GCNT1: variants seen among roughly 807,000 people sequenced by gnomAD.
GCNT1 encodes glucosaminyl (N-acetyl) transferase 1, also known as beta-1,3-galactosyl-O-glycosyl-glycoprotein beta-1,6-N-acetylglucosaminyltransferase.
A neutral mutation model predicts 26.2 loss-of-function variants in GCNT1; 16 were observed. The ratio of observed to expected loss-of-function variants is 0.61; its 90% CI spans 0.41 to 0.93. The LOEUF (loss-of-function observed/expected upper bound fraction) is 0.93, where lower values mean the gene tolerates loss of function less well. Ranked by LOEUF, GCNT1 falls within the 40% of genes least tolerant of loss-of-function variation. The pLI is 0.00. For synonymous variants in GCNT1, 183 were observed against 190.8 expected (o/e 0.96, Z 0.34); for missense variants, 477 against 526.7 (o/e 0.91, Z 0.92).
At chr9:76,393,955 G>T in the GCNT1 span, 4 of 756,454 alleles carry the variant, frequency 5.3e-6, no homozygotes, top group South Asian at 1.9e-5. Flanking sequence ...CAGACAAGGG[G>T]ATGCGGGAGG....
chr9:76,503,212 A>T lies in GCNT1; in HGVS notation c.831A>T (p.Pro277=). ...CAGGGACTGTCAAAATGCTTCCTCCACTCGAAACACCTCTCTTTTCTGGCA... is the reference window on the plus strand; with the variant it reads ...CAGGGACTGTCAAAATGCTTCCTCCTCTCGAAACACCTCTCTTTTCTGGCA... ...TNTGTVKMLP[P]LETPLFSGSA... Residue 277 remains proline, a synonymous_variant, in exon 4 of 4, where the codon CCA becomes CCT. Transcript: ENST00000376730. 6.2e-7 allele frequency: 1 copy of T among 1,614,068 alleles called. No individual in the cohort carries two copies. Among genetic ancestry groups the T allele is most frequent in the Admixed American group, 1.7e-5 (1 of 60,004 alleles).
intron 2 of GCNT1, among the ~76,000 whole-genome samples, chr9:76,467,715 T>A (rs1268022921): frequency 6.6e-6 from 1 of 151,934 alleles, no homozygotes; most frequent in Non-Finnish European, 1.5e-5. Context: ...GTCAGTTGTG[T>A]GGAACAGAAA....
chr9:76,474,330 C>G (rs1008275719), intron 2 of GCNT1, among the ~76,000 whole-genome samples: 1 of 152,076 alleles, frequency 6.6e-6, no homozygotes, highest in Non-Finnish European at 1.5e-5. Context: ...GGAAGGCAGA[C>G]AAGAGGCACA....
intron 2 of GCNT1, among the ~76,000 whole-genome samples, chr9:76,474,219 C>A (rs1455755333): frequency 6.6e-6 from 1 of 152,110 alleles, no homozygotes; most frequent in Non-Finnish European, 1.5e-5. Flanking sequence ...ACAGTATATT[C>A]ATATACAGTC....
chr9:76,416,771 T>A (rs1444747815), upstream of GCNT1, among the ~76,000 whole-genome samples: 1 of 152,214 alleles, frequency 6.6e-6, no homozygotes, highest in Non-Finnish European at 1.5e-5. Flanking sequence ...TAAGAAGATA[T>A]GATCTGGCTG....
intron 2 of GCNT1, among the ~76,000 whole-genome samples, chr9:76,479,980 G>A (rs1482222112): frequency 6.6e-6 from 1 of 152,100 alleles, no homozygotes; most frequent in Admixed American, 6.5e-5. Context: ...GGGTTTTTAT[G>A]GTTTTAGGTC....
At chr9:76,488,130 C>G (rs535025230) in intron 2 of GCNT1, among the ~76,000 whole-genome samples, 2 of 152,164 alleles carry the variant, frequency 1.3e-5, no homozygotes, top group African/African-American at 4.8e-5. Context: ...TTTCCCCCCT[C>G]CCCTGAAAGT....
intron 2 of GCNT1, among the ~76,000 whole-genome samples, chr9:76,470,929 G>T (rs1824118584): frequency 1.3e-5 from 2 of 152,160 alleles, no homozygotes; most frequent in Non-Finnish European, 2.9e-5. Flanking sequence ...GGCCCGCCAG[G>T]CTTGTTTGTC....
At chr9:76,426,666 C>CCTCCCA (rs1223606423) in intron 1 of GCNT1, among the ~76,000 whole-genome samples, 1 of 152,100 alleles carries the variant, frequency 6.6e-6, no homozygotes, top group East Asian at 1.9e-4. Flanking sequence ...GAGGCTAAGG[C>CCTCCCA]AGGTGGATCA....
At chr9:76,487,656 T>C (rs116534348) in intron 2 of GCNT1, among the ~76,000 whole-genome samples, 271 of 152,328 alleles carry the variant, frequency 1.8e-3, no homozygotes, top group Middle Eastern at 6.8e-3. Context: ...AGATGTTCCT[T>C]GACCTGGGGA....
chr9:76,491,567 C>T (rs558366885), intron 2 of GCNT1, among the ~76,000 whole-genome samples: 4 of 152,196 alleles, frequency 2.6e-5, no homozygotes, highest in South Asian at 2.1e-4. Context: ...GCTAACTGGG[C>T]GCTGGTCCCT....
At chr9:76,450,153 C>T (rs1001523693) in intron 1 of GCNT1, among the ~76,000 whole-genome samples, 11 of 152,114 alleles carry the variant, frequency 7.2e-5, no homozygotes, top group Admixed American at 3.9e-4. Context: ...AATTGGTTCC[C>T]GCCATCCCCA....
rs564967091 is a variant in GCNT1 at position 76,493,572 on chromosome 9, G to A, written c.-289-7344G>A. On this transcript the variant is annotated intron_variant, in intron 2 of 3. Transcript: ENST00000376730. Reference sequence around the variant, plus strand: ...CCAAATTCCCCTCCCCCTACAGCTTGAAGGGGACATAACTGATAGCCTGGG... The same window carrying A: ...CCAAATTCCCCTCCCCCTACAGCTTAAAGGGGACATAACTGATAGCCTGGG... Among the ~76,000 whole-genome samples, 4 of 152,324 alleles carry A rather than the reference G, an allele frequency of 2.6e-5. No homozygotes were observed. In the East Asian group the frequency reaches 7.7e-4, roughly 29 times the overall value.
upstream of GCNT1, among the ~76,000 whole-genome samples, chr9:76,458,833 A>T (rs1446370966): frequency 6.6e-6 from 1 of 152,242 alleles, no homozygotes; most frequent in Non-Finnish European, 1.5e-5. Flanking sequence ...GAACCTTGGA[A>T]TTTAATTTTA....
the GCNT1 span, among the ~76,000 whole-genome samples, chr9:76,406,047 A>G: frequency 6.6e-6 from 1 of 152,246 alleles, no homozygotes; most frequent in Admixed American, 6.5e-5. Flanking sequence ...CATCCTTGCC[A>G]GCATTTGGTG....
chr9:76,420,431 G>T (rs10869773), intron 1 of GCNT1: 44,998 of 151,726 alleles, frequency 0.3, 6,872 homozygotes, highest in East Asian at 0.38. Flanking sequence ...ACACTACCAG[G>T]CCTGGCTAAT....
intron 2 of GCNT1, among the ~76,000 whole-genome samples, chr9:76,476,769 G>A (rs923428507): frequency 2.6e-5 from 4 of 152,126 alleles, no homozygotes; most frequent in African/African-American, 7.2e-5. Context: ...GGAGAAACTT[G>A]GACAACCTTT....
chr9:76,421,694 T>TG (rs1823199250), intron 1 of GCNT1, among the ~76,000 whole-genome samples: 1 of 137,602 alleles, frequency 7.3e-6, no homozygotes, highest in African/African-American at 2.7e-5. Context: ...AGGTTGTTTT[T>TG]TTTTTTTTTT....
chr9:76,394,155 T>C, the GCNT1 span: 1 of 1,607,566 alleles, frequency 6.2e-7, no homozygotes, highest in Non-Finnish European at 8.5e-7. Context: ...CCGGCAGAAG[T>C]AAGGCAGGTG....
Sources: gnomAD v4.1 joint callset for allele counts (sites outside exome capture counted in the v4.1 genomes callset) on GRCh38, gnomAD v4.1.1 for gene constraint, MANE v1.5 for transcripts, NCBI Gene and HGNC (gene_info 2026-07-23, HGNC 2026-07-21) for gene names.